COLEC10: variants seen among roughly 807,000 people sequenced by gnomAD.
The protein encoded by COLEC10 is collectin-10.
COLEC10 carries 22 observed loss-of-function variants against 28.4 expected under a neutral mutation model. The observed-to-expected ratio is 0.78, with a 90% confidence interval of 0.55 to 1.11. COLEC10 has a LOEUF of 1.11. COLEC10 is among the 50% of genes least tolerant of loss of function. The probability of loss-of-function intolerance (pLI) is 0.00; values close to 1 mark genes in which losing one functional copy is unlikely to be tolerated. For synonymous variants in COLEC10, 125 were observed against 116.1 expected, an observed-to-expected ratio of 1.08 and a Z score of -0.49; for missense variants, 361 against 344.1, an observed-to-expected ratio of 1.05 and a Z score of -0.39.
chr8:118,971,441 C>G, the COLEC10 span, among the ~76,000 whole-genome samples: 1 of 151,900 alleles, frequency 6.6e-6, no homozygotes, highest in African/African-American at 2.4e-5. Context: ...TACCACACAC[C>G]ATTGTAAACA....
At chr8:118,982,742 T>C in the COLEC10 span, 2 of 153,792 alleles carry the variant, frequency 1.3e-5, no homozygotes, top group African/African-American at 4.8e-5. Context: ...CCTCTGGTTG[T>C]CAGTGTTAAC....
At chr8:119,060,173 T>C (rs921964346) in intron 2 of COLEC10, among the ~76,000 whole-genome samples, 1 of 151,996 alleles carries the variant, frequency 6.6e-6, no homozygotes, top group African/African-American at 2.4e-5. Context: ...ATAGCAGTAA[T>C]AAAATTTTTA....
the COLEC10 span, among the ~76,000 whole-genome samples, chr8:118,959,127 TGAAAG>T: frequency 6.6e-6 from 1 of 152,100 alleles, no homozygotes; most frequent in South Asian, 2.1e-4. Flanking sequence ...TGTGGGGAGA[TGAAAG>T]GAAGACAAAA....
intron 2 of COLEC10, among the ~76,000 whole-genome samples, chr8:119,041,984 A>G (rs181385376): frequency 9.4e-4 from 143 of 151,996 alleles, no homozygotes; most frequent in African/African-American, 3.4e-3. Context: ...GGTAGGGGGA[A>G]GCAATTGTTT....
At chr8:119,079,213 C>G (rs1423544118) in intron 1 of COLEC10, among the ~76,000 whole-genome samples, 2 of 152,140 alleles carry the variant, frequency 1.3e-5, no homozygotes, top group South Asian at 2.1e-4. Flanking sequence ...GCTCTCACTA[C>G]CTTCTAAGCA....
In COLEC10 at chr8:119,039,296, C is replaced by G. The variant is rs576259546; in HGVS notation, n.235+29743C>G. Reference sequence around the variant, plus strand: ...TTTCAATATGAAATAGCTGCTCCTCCAGAAACCGTTCCCAGTCCGTCCTGT... The same window carrying G: ...TTTCAATATGAAATAGCTGCTCCTCGAGAAACCGTTCCCAGTCCGTCCTGT... On this transcript the variant is annotated intron_variant and non_coding_transcript_variant, in intron 2 of 6. Transcript: ENST00000521788. Among the ~76,000 whole-genome samples the G allele has an allele frequency of 3.9e-5, 6 of 152,244 alleles. No homozygotes were observed. The East Asian group carries it at 1.2e-3, about 29-fold the overall frequency.
At chr8:119,089,039 A>T (rs998411181) in intron 1 of COLEC10, among the ~76,000 whole-genome samples, 1 of 152,168 alleles carries the variant, frequency 6.6e-6, no homozygotes, top group Admixed American at 6.6e-5. Flanking sequence ...AAACTCAATC[A>T]CCGGCCTGTT....
the COLEC10 span, among the ~76,000 whole-genome samples, chr8:118,983,339 G>T: frequency 6.6e-6 from 1 of 152,126 alleles, no homozygotes; most frequent in African/African-American, 2.4e-5. Context: ...TTGAAGGCTA[G>T]TGAAGATAGG....
At chr8:119,023,901 G>A (rs1182102133) in intron 2 of COLEC10, among the ~76,000 whole-genome samples, 1 of 139,168 alleles carries the variant, frequency 7.2e-6, no homozygotes, top group Non-Finnish European at 1.5e-5. Context: ...GTGCATGGTA[G>A]TCCTGTACAC....
At chr8:118,960,658 G>A in the COLEC10 span, among the ~76,000 whole-genome samples, 4 of 151,900 alleles carry the variant, frequency 2.6e-5, 1 homozygote, top group South Asian at 4.2e-4. Flanking sequence ...GGTGGCATGC[G>A]CCTGTAGTCC....
Position 119,106,430 on chromosome 8 carries a change from A to G in COLEC10, c.*239A>G. ...ACATGGGTCTTGAGAGAGAATTTTAATTACTAATTGTGCACGAGATAGTTG... is the reference window on the plus strand; with the variant it reads ...ACATGGGTCTTGAGAGAGAATTTTAGTTACTAATTGTGCACGAGATAGTTG... On this transcript the variant is annotated 3_prime_UTR_variant, in exon 6 of 6. Transcript: ENST00000332843. 1 of 418,810 alleles carries G rather than the reference A, an allele frequency of 2.4e-6. No individual in the cohort carries two copies. Among genetic ancestry groups the G allele is most frequent in the Non-Finnish European group, 4.4e-6 (1 of 229,882 alleles). 25.9% of individuals were successfully genotyped at this position (418,810 alleles called of 1,614,324 possible). A position where few individuals can be genotyped will look rare whatever the true frequency, so the allele number is the denominator to read the frequency against.
chr8:119,049,181 T>C (rs1030012775), intron 2 of COLEC10, among the ~76,000 whole-genome samples: 15 of 152,118 alleles, frequency 9.9e-5, no homozygotes, highest in Admixed American at 4.6e-4. Flanking sequence ...TTCTGACTTG[T>C]AAAGCTTCTA....
At chr8:119,053,037 A>G (rs770647521) in intron 2 of COLEC10, among the ~76,000 whole-genome samples, 2 of 152,122 alleles carry the variant, frequency 1.3e-5, no homozygotes, top group African/African-American at 2.4e-5. Flanking sequence ...CTAGTGTGAT[A>G]CTGGCTAGAG....
intron 1 of COLEC10, among the ~76,000 whole-genome samples, chr8:119,084,716 G>A (rs1815436224): frequency 1.3e-5 from 2 of 152,118 alleles, no homozygotes; most frequent in African/African-American, 4.8e-5. Flanking sequence ...ACTTACTGAA[G>A]TACTTAAGGG....
Position 119,016,749 on chromosome 8 carries a change from G to A in COLEC10, n.235+7196G>A, listed in dbSNP as rs191003132. Among the ~76,000 whole-genome samples the A allele has an allele frequency of 3.2e-3, 486 of 152,174 alleles. 1 individual carries two copies. The highest frequency in any genetic ancestry group is 0.011 in the African/African-American group (451 of 41,542). ...GTTTGTTTGTTTGAGACAGAGTCTT[G>A]CTCTGTCACCAGGCTGGAGTGCAGT... On this transcript the variant is annotated intron_variant and non_coding_transcript_variant, in intron 2 of 6. Coordinates refer to the COLEC10 transcript ENST00000521788.
chr8:119,073,767 T>C (rs1815169530), intron 1 of COLEC10, among the ~76,000 whole-genome samples: 1 of 152,044 alleles, frequency 6.6e-6, no homozygotes, highest in Non-Finnish European at 1.5e-5. Flanking sequence ...CATTTTAGTA[T>C]GAATTTAATA....
the COLEC10 span, among the ~76,000 whole-genome samples, chr8:118,965,576 A>AGT: frequency 6.6e-6 from 1 of 151,946 alleles, no homozygotes; most frequent in Non-Finnish European, 1.5e-5. Context: ...AGGTTGGGAA[A>AGT]GTGTGTGCCT....
intron 1 of COLEC10, among the ~76,000 whole-genome samples, chr8:119,069,629 A>AAAAAAAAAATATATATAT (rs1554627284): frequency 1.6e-4 from 7 of 42,880 alleles, no homozygotes; most frequent in Non-Finnish European, 2.6e-4. Flanking sequence ...AAAAAAAAAA[A>AAAAAAAAAATATATATAT]ATATATATAT....
At chr8:119,040,089 T>G (rs1814466091) in intron 2 of COLEC10, among the ~76,000 whole-genome samples, 1 of 152,190 alleles carries the variant, frequency 6.6e-6, no homozygotes, top group African/African-American at 2.4e-5. Context: ...GTTAGGTTAG[T>G]GGACCCCGTA....
Sources: gnomAD v4.1 joint callset for allele counts (sites outside exome capture counted in the v4.1 genomes callset) on GRCh38, gnomAD v4.1.1 for gene constraint, MANE v1.5 for transcripts, NCBI Gene and HGNC (gene_info 2026-07-23, HGNC 2026-07-21) for gene names.